ANKRD44: variants seen among roughly 807,000 people sequenced by gnomAD.
ANKRD44 encodes ankyrin repeat domain 44.
ANKRD44 carries 35 observed loss-of-function variants against 116.0 expected under a neutral mutation model. The ratio of observed to expected loss-of-function variants is 0.30; its 90% CI spans 0.23 to 0.40. ANKRD44 has a LOEUF of 0.40. ANKRD44 is among the 10% of genes least tolerant of loss of function. The probability of loss-of-function intolerance (pLI) is 1.00; values close to 1 mark genes in which losing one functional copy is unlikely to be tolerated. For synonymous variants in ANKRD44, 435 were observed against 461.8 expected, an observed-to-expected ratio of 0.94 and a Z score of 0.74; for missense variants, 1,014 against 1,242.6, an observed-to-expected ratio of 0.82 and a Z score of 2.77.
chr2:196,970,653 A>G (rs1454842085), intron 21 of ANKRD44, among the ~76,000 whole-genome samples: 1 of 152,156 alleles, frequency 6.6e-6, no homozygotes, highest in African/African-American at 2.4e-5. Context: ...TGCAAAAACA[A>G]CCAGCATAAA....
chr2:197,216,354 A>C (rs2697299), intron 1 of ANKRD44, among the ~76,000 whole-genome samples: 1 of 152,102 alleles, frequency 6.6e-6, no homozygotes, highest in Admixed American at 6.5e-5. Flanking sequence ...AGTAATCCAC[A>C]AATTTCTTTG....
At chr2:197,204,724 G>A (rs1166622413) in intron 1 of ANKRD44, among the ~76,000 whole-genome samples, 1 of 152,196 alleles carries the variant, frequency 6.6e-6, no homozygotes, top group African/African-American at 2.4e-5. Context: ...TGGACCGGAT[G>A]TAGCCCGCAG....
rs75526987 is a variant in ANKRD44 at position 197,005,611 on chromosome 2, C to A, written c.2347+83G>T. 3.2e-4 allele frequency: 391 copies of A among 1,240,954 alleles called. 3 individuals carry two copies. In the East Asian group the frequency reaches 8.3e-3, roughly 26 times the overall value. The allele number at this position is 1,240,954 out of a possible 1,614,324, so 76.9% of individuals were successfully genotyped here. A position where few individuals can be genotyped will look rare whatever the true frequency, so the allele number is the denominator to read the frequency against. ...TTAGAAACCATGGTTTGCAGAATTA[C>A]ATAAGGCTCTCACCTCCACTGAGCT... On this transcript the variant is annotated intron_variant, in intron 21 of 27. Coordinates refer to ENST00000282272, the MANE Select transcript of ANKRD44 (RefSeq NM_001195144.2).
chr2:197,262,902 T>TA (rs2082643148), intron 1 of ANKRD44, among the ~76,000 whole-genome samples: 2 of 149,764 alleles, frequency 1.3e-5, no homozygotes, highest in South Asian at 4.2e-4. Context: ...GAGATTCTTT[T>TA]AAAAAAACAA....
chr2:197,264,820 A>G (rs2082699509), intron 1 of ANKRD44, among the ~76,000 whole-genome samples: 1 of 152,208 alleles, frequency 6.6e-6, no homozygotes, highest in Admixed American at 6.5e-5. Flanking sequence ...AAGAAATCAA[A>G]ACCCATGACT....
intron 17 of ANKRD44, among the ~76,000 whole-genome samples, chr2:197,022,051 T>C (rs183318385): frequency 2.6e-5 from 4 of 152,272 alleles, no homozygotes; most frequent in East Asian, 3.9e-4. Context: ...AGCCAGGAAA[T>C]AGTAACTCAA....
chr2:197,024,233 G>C (rs2076548716), intron 17 of ANKRD44, among the ~76,000 whole-genome samples: 2 of 152,202 alleles, frequency 1.3e-5, no homozygotes, highest in African/African-American at 4.8e-5. Flanking sequence ...TGTACACATA[G>C]TATTAAGTGA....
intron 1 of ANKRD44, among the ~76,000 whole-genome samples, chr2:197,273,980 A>G (rs12615039): frequency 1.4e-4 from 6 of 43,930 alleles, no homozygotes; most frequent in Non-Finnish European, 2.4e-4. Flanking sequence ...AAAAAAAAAA[A>G]ATATATATAT....
chr2:197,074,974 A>G (rs1464635432), intron 16 of ANKRD44, among the ~76,000 whole-genome samples: 4 of 152,130 alleles, frequency 2.6e-5, no homozygotes, highest in Admixed American at 6.5e-5. Context: ...AGCTCCTAGA[A>G]TATGTAAGTA....
intron 1 of ANKRD44, among the ~76,000 whole-genome samples, chr2:197,303,625 T>C (rs2083979514): frequency 6.6e-6 from 1 of 152,116 alleles, no homozygotes; most frequent in Non-Finnish European, 1.5e-5. Context: ...AAAGATATCC[T>C]AGAAAGCTAT....
At chr2:197,120,424 T>C (rs1342552680) in intron 8 of ANKRD44, among the ~76,000 whole-genome samples, 1 of 151,832 alleles carries the variant, frequency 6.6e-6, no homozygotes, top group East Asian at 1.9e-4. Flanking sequence ...CTGAGGCAGG[T>C]GGATCACTTG....
chr2:197,283,167 C>T (rs2083314198), intron 1 of ANKRD44, among the ~76,000 whole-genome samples: 1 of 152,176 alleles, frequency 6.6e-6, no homozygotes, highest in South Asian at 2.1e-4. Context: ...GATGTGGAGG[C>T]TGGAGAGAGA....
rs148536122 is a variant in ANKRD44, at chr2:197,279,125, G to A, written c.27+31453C>T. Among the ~76,000 whole-genome samples the A allele has an allele frequency of 8.4e-3, 1,286 of 152,214 alleles. 14 individuals are homozygous for A. Among genetic ancestry groups the A allele is most frequent in the Admixed American group, 0.01 (155 of 15,302 alleles). On this transcript the variant is annotated intron_variant, in intron 1 of 27. Coordinates refer to ENST00000282272, the MANE Select transcript of ANKRD44 (RefSeq NM_001195144.2). ...GCAGTGCTGTATTTAAGAGTGGATC[G>A]CATATCCATCATTCAGTCCACATTT...
intron 16 of ANKRD44, among the ~76,000 whole-genome samples, chr2:197,029,106 T>G (rs1444819563): frequency 1.3e-5 from 2 of 152,026 alleles, no homozygotes; most frequent in African/African-American, 2.4e-5. Context: ...ATTAGGTATA[T>G]CTCCTAATGC....
intron 1 of ANKRD44, among the ~76,000 whole-genome samples, chr2:197,253,153 C>T (rs529153851): frequency 6.6e-6 from 1 of 152,218 alleles, no homozygotes; most frequent in South Asian, 2.1e-4. Context: ...AACGATGGTA[C>T]AACCATGAGT....
chr2:196,979,999 T>C (rs77573375), intron 21 of ANKRD44, among the ~76,000 whole-genome samples: 3 of 152,206 alleles, frequency 2.0e-5, no homozygotes, highest in Non-Finnish European at 4.4e-5. Context: ...AAAATGATCA[T>C]TAATATACAC....
At chr2:197,104,469 T>C (rs1006902415) in intron 9 of ANKRD44, among the ~76,000 whole-genome samples, 3 of 152,192 alleles carry the variant, frequency 2.0e-5, no homozygotes, top group Non-Finnish European at 4.4e-5. Flanking sequence ...ATGGAGACCC[T>C]TGATACACAC....
At chr2:197,192,265 T>C (rs548140472) in intron 1 of ANKRD44, among the ~76,000 whole-genome samples, 1 of 152,288 alleles carries the variant, frequency 6.6e-6, no homozygotes, top group South Asian at 2.1e-4. Context: ...CTACAGTCAA[T>C]GGTAATAAGC....
In ANKRD44 at chr2:197,025,179, C is replaced by A. The variant is rs1256704036; in HGVS notation, c.1722+17G>T. The A allele has an allele frequency of 6.2e-7, 1 of 1,604,912 alleles. No homozygotes were observed. The highest frequency in any genetic ancestry group is 8.5e-7 in the Non-Finnish European group (1 of 1,172,544). ...TGTTTTTGTAACAGGTGAAGCTGCT[C>A]ATGGCATCTCACTTACAGCTAAGTG... On this transcript the variant is annotated intron_variant, in intron 17 of 27. Transcript: ENST00000282272.
Sources: gnomAD v4.1 joint callset for allele counts (sites outside exome capture counted in the v4.1 genomes callset) on GRCh38, gnomAD v4.1.1 for gene constraint, MANE v1.5 for transcripts, NCBI Gene and HGNC (gene_info 2026-07-23, HGNC 2026-07-21) for gene names.